MFSD6: variants seen among roughly 807,000 people sequenced by gnomAD.
MFSD6 encodes major facilitator superfamily domain-containing protein 6.
In MFSD6, 26 loss-of-function variants were observed where a neutral mutation model predicts 56.3. The observed-to-expected ratio is 0.46, with a 90% CI of 0.34 to 0.64. The LOEUF (loss-of-function observed/expected upper bound fraction) is 0.64, where lower values mean the gene tolerates loss of function less well. Among genes scored for constraint, MFSD6 ranks in the 30% least tolerant of loss-of-function variants. The probability of loss-of-function intolerance (pLI) is 0.01; values close to 1 mark genes in which losing one functional copy is unlikely to be tolerated. For missense variants in MFSD6, 750 were observed against 986.2 expected, an observed-to-expected ratio of 0.76 and a Z score of 3.21; for synonymous variants, 331 against 366.9, an observed-to-expected ratio of 0.90 and a Z score of 1.12.
intron 4 of MFSD6, chr2:190,477,530 A>G (rs186127651): frequency 1.9e-4 from 39 of 209,352 alleles, no homozygotes; most frequent in African/African-American, 8.7e-4. Flanking sequence ...TTAAAGAACA[A>G]CAGAATAATT....
Position 190,454,735 on chromosome 2 carries a change from C to T in MFSD6, c.1533-15023C>T, listed in dbSNP as rs1031894156. Among the ~76,000 whole-genome samples the T allele has an allele frequency of 1.3e-5, 2 of 151,846 alleles. No homozygotes were observed. The highest frequency in any genetic ancestry group is 6.6e-5 in the Admixed American group (1 of 15,230). On this transcript the variant is annotated intron_variant, in intron 3 of 7. Transcript: ENST00000392328. The surrounding 1 kb of genome is among the most constrained non-coding windows in gnomAD (Gnocchi z 4.6). ...TTTATGGCATATTGTCATGGCAGCC[C>T]GAGCAAATTAATAATGTGTCTAAAT... is the stretch of plus-strand genomic sequence containing the variant.
intron 3 of MFSD6, chr2:190,453,963 T>C (rs1686879947): frequency 6.6e-6 from 1 of 152,242 alleles, no homozygotes; most frequent in Admixed American, 6.5e-5. Flanking sequence ...AACTGGAATA[T>C]ATTTCACAGA....
Position 190,417,518 on chromosome 2 carries a change from C to A in MFSD6, c.-54+2105C>A, listed in dbSNP as rs924082764. Among the ~76,000 whole-genome samples the A allele has an allele frequency of 1.3e-5, 2 of 152,144 alleles. No individual in the cohort carries two copies. Among genetic ancestry groups the A allele is most frequent in the African/African-American group, 4.8e-5 (2 of 41,442 alleles). On this transcript the variant is annotated intron_variant, in intron 2 of 7. Coordinates refer to ENST00000392328, the MANE Select transcript of MFSD6 (RefSeq NM_017694.4). The surrounding 1 kb of genome is among the most constrained non-coding windows in gnomAD (Gnocchi z 5.7). ...GGACTGTGTGGCCTCCAGCATGTGTCCTACCTACTAGTGGGTGCTCGATCT... is the reference window on the plus strand; with the variant it reads ...GGACTGTGTGGCCTCCAGCATGTGTACTACCTACTAGTGGGTGCTCGATCT...
rs1477698346 is a variant in MFSD6 at position 190,434,707 on chromosome 2, C to A, written c.-53-1270C>A. On this transcript the variant is annotated intron_variant, in intron 2 of 7. Coordinates refer to ENST00000392328, the MANE Select transcript of MFSD6 (RefSeq NM_017694.4). The surrounding 1 kb of genome is among the most constrained non-coding windows in gnomAD (Gnocchi z 4.3). ...TCAGCCTCCCAAAGTGCTGGGATTA[C>A]AGGTGTGAGCCACCGCGCCCGGCCA... 3.9e-5 allele frequency among the ~76,000 whole-genome samples: 6 copies of A among 152,162 alleles called. No individual in the cohort carries two copies. The highest frequency in any genetic ancestry group is 2.6e-4 in the Admixed American group (4 of 15,280).
In MFSD6 at chr2:190,462,961, G is replaced by C. The variant is rs181237517; in HGVS notation, c.1533-6797G>C. On this transcript the variant is annotated intron_variant, in intron 3 of 7. Coordinates refer to ENST00000392328, the MANE Select transcript of MFSD6 (RefSeq NM_017694.4). This position sits in a 1 kb window ranked among gnomAD's most constrained non-coding sequence, Gnocchi z 5.7. Reference sequence around the variant, plus strand: ...ATGATGTAACTCAGGCCACCTTCTTGGGATGGGAATCCCAAGGAATGCCAG... The same window carrying C: ...ATGATGTAACTCAGGCCACCTTCTTCGGATGGGAATCCCAAGGAATGCCAG... 6.6e-6 allele frequency among the ~76,000 whole-genome samples: 1 copy of C among 152,214 alleles called. No homozygotes were observed. Among genetic ancestry groups the C allele is most frequent in the African/African-American group, 2.4e-5 (1 of 41,504 alleles).
rs182902794 is a variant in MFSD6 at position 190,415,678 on chromosome 2, A to G, written c.-54+265A>G. 2.2e-4 allele frequency among the ~76,000 whole-genome samples: 34 copies of G among 152,350 alleles called. No homozygotes were observed. Among genetic ancestry groups the G allele is most frequent in the South Asian group, 4.1e-4 (2 of 4,834 alleles). The stretch of plus-strand genomic sequence containing the variant: ...AAGTTATCAGAACCCTAACAGCAAA[A>G]TAAAACAATTTTAGATTACATATAT... On this transcript the variant is annotated intron_variant, in intron 2 of 7. Transcript: ENST00000392328. This position sits in a 1 kb window ranked among gnomAD's most constrained non-coding sequence, Gnocchi z 4.5.
In MFSD6 at chr2:190,410,369, G is replaced by A. The variant is rs1187463230; in HGVS notation, c.-176+1866G>A. 2.0e-5 allele frequency among the ~76,000 whole-genome samples: 3 copies of A among 152,122 alleles called. No individual in the cohort carries two copies. Among genetic ancestry groups the A allele is most frequent in the South Asian group, 4.1e-4 (2 of 4,830 alleles). ...GAGGTAGAGTTAAATTTGACCTCAT[G>A]TTTCTGGCTCCAAAGCCCAGGAAAT... On this transcript the variant is annotated intron_variant, in intron 1 of 7. Coordinates refer to ENST00000392328, the MANE Select transcript of MFSD6 (RefSeq NM_017694.4). The surrounding 1 kb of genome is among the most constrained non-coding windows in gnomAD (Gnocchi z 4.4).
rs1252881174 is a variant in MFSD6 at position 190,463,405 on chromosome 2, A to G, written c.1533-6353A>G. On this transcript the variant is annotated intron_variant, in intron 3 of 7. Transcript: ENST00000392328. This position sits in a 1 kb window ranked among gnomAD's most constrained non-coding sequence, Gnocchi z 4.4. ...GAGGGCACATCAAGTGCTTGTGCTGAGCACAGGAGTCTCCACTCTAATCAG... is the reference window on the plus strand; with the variant it reads ...GAGGGCACATCAAGTGCTTGTGCTGGGCACAGGAGTCTCCACTCTAATCAG... Among the ~76,000 whole-genome samples the G allele has an allele frequency of 6.6e-6, 1 of 152,210 alleles. No individual in the cohort carries two copies. Among genetic ancestry groups the G allele is most frequent in the African/African-American group, 2.4e-5 (1 of 41,456 alleles).
In MFSD6 at chr2:190,425,339, A is replaced by G. The variant is rs1003483401; in HGVS notation, c.-54+9926A>G. Among the ~76,000 whole-genome samples the G allele has an allele frequency of 2.1e-4, 32 of 152,094 alleles. No homozygotes were observed. Among genetic ancestry groups the G allele is most frequent in the African/African-American group, 5.8e-4 (24 of 41,408 alleles). On this transcript the variant is annotated intron_variant, in intron 2 of 7. Transcript: ENST00000392328. This position sits in a 1 kb window ranked among gnomAD's most constrained non-coding sequence, Gnocchi z 4.3. Reference sequence around the variant, plus strand: ...TGTCTTTTGTTTTCTTTTATTTCCTATTGCACTGGTGAGAACTTCCAGCAT... The same window carrying G: ...TGTCTTTTGTTTTCTTTTATTTCCTGTTGCACTGGTGAGAACTTCCAGCAT...
chr2:190,442,913 A>C (rs1245269166), intron 3 of MFSD6: 1 of 152,188 alleles, frequency 6.6e-6, no homozygotes, highest in Non-Finnish European at 1.5e-5. Flanking sequence ...TAAGAAGAGA[A>C]ATGGGCTGAG....
At position 190,497,830 on chromosome 2, in the gene MFSD6, G is replaced by A; in HGVS notation, c.2172+111G>A. 1 of 1,292,310 alleles carries A rather than the reference G, an allele frequency of 7.7e-7. No homozygotes were observed. 80.1% of individuals were successfully genotyped at this position (1,292,310 alleles called of 1,614,324 possible). ...CAACAAGATTTATTGAAAGTCTGGT[G>A]GGGGAAATAGACATGCAAACAATTT... is the stretch of plus-strand genomic sequence containing the variant. On this transcript the variant is annotated intron_variant, in intron 7 of 7. Transcript: ENST00000392328. This position sits in a 1 kb window ranked among gnomAD's most constrained non-coding sequence, Gnocchi z 5.2.
At chr2:190,428,647 A>ATGCT (rs776663693) in intron 2 of MFSD6, among the ~76,000 whole-genome samples, 1 of 147,728 alleles carries the variant, frequency 6.8e-6, no homozygotes, top group African/African-American at 2.5e-5. Flanking sequence ...ACATTTAGAG[A>ATGCT]TGCTTGCTTA....
intron 3 of MFSD6, among the ~76,000 whole-genome samples, chr2:190,466,307 T>C (rs1687603665): frequency 6.6e-6 from 1 of 152,248 alleles, no homozygotes; most frequent in Admixed American, 6.5e-5. Flanking sequence ...GTGCATACTA[T>C]GGCAGTTTAA....
At position 190,488,147 on chromosome 2, in the gene MFSD6, C is replaced by T. The variant is rs1202028646; in HGVS notation, c.1631-510C>T. On this transcript the variant is annotated intron_variant, in intron 4 of 7. Coordinates refer to ENST00000392328, the MANE Select transcript of MFSD6 (RefSeq NM_017694.4). The surrounding 1 kb of genome is among the most constrained non-coding windows in gnomAD (Gnocchi z 6.4). ...CAATCTCCTGACCTCGTGATCCACC[C>T]GCCTCGGCCTCCCAAAGTGCTGGGA... is the stretch of plus-strand genomic sequence containing the variant. 9.2e-5 allele frequency among the ~76,000 whole-genome samples: 14 copies of T among 152,170 alleles called. No individual in the cohort carries two copies. In the East Asian group the frequency reaches 2.1e-3, roughly 23 times the overall value.
In MFSD6 at chr2:190,471,973, C is replaced by T. The variant is rs10202274; in HGVS notation, c.1630+2118C>T. Among the ~76,000 whole-genome samples the T allele has an allele frequency of 1.4e-4, 21 of 152,246 alleles. No homozygotes were observed. The highest frequency in any genetic ancestry group is 4.8e-4 in the African/African-American group (20 of 41,540). ...GCAGCTTTCACTGCTGATACCCAGGCAAACAGGGTCTGGAGTGGACCTCCA... is the reference window on the plus strand; with the variant it reads ...GCAGCTTTCACTGCTGATACCCAGGTAAACAGGGTCTGGAGTGGACCTCCA... On this transcript the variant is annotated intron_variant, in intron 4 of 7. Coordinates refer to ENST00000392328, the MANE Select transcript of MFSD6 (RefSeq NM_017694.4). This position sits in a 1 kb window ranked among gnomAD's most constrained non-coding sequence, Gnocchi z 4.7.
intron 4 of MFSD6, among the ~76,000 whole-genome samples, chr2:190,475,906 C>T (rs1559133347): frequency 6.6e-6 from 1 of 152,000 alleles, no homozygotes; most frequent in African/African-American, 2.4e-5. Context: ...GAAATAATGC[C>T]ACATATCTAC....
rs1213802983 is a variant in MFSD6, at chr2:190,491,583, A to G, written c.1891+1717A>G. 6.6e-6 allele frequency among the ~76,000 whole-genome samples: 1 copy of G among 152,220 alleles called. No individual in the cohort carries two copies. Among genetic ancestry groups the G allele is most frequent in the African/African-American group, 2.4e-5 (1 of 41,456 alleles). ...TGACAATCACTACAGCCTGGCTGTC[A>G]GGAAGCCACATCCCTCAGAAAACAG... On this transcript the variant is annotated intron_variant, in intron 6 of 7. Coordinates refer to ENST00000392328, the MANE Select transcript of MFSD6 (RefSeq NM_017694.4). This position sits in a 1 kb window ranked among gnomAD's most constrained non-coding sequence, Gnocchi z 4.2.
At chr2:190,429,066 T>G (rs1232641841) in intron 2 of MFSD6, among the ~76,000 whole-genome samples, 1 of 152,166 alleles carries the variant, frequency 6.6e-6, no homozygotes, top group Non-Finnish European at 1.5e-5. Context: ...GTTGATCATC[T>G]TTTTACATAT....
rs879834155 is a variant in MFSD6, at chr2:190,413,930, A to G, written c.-175-1362A>G. 6.6e-6 allele frequency among the ~76,000 whole-genome samples: 1 copy of G among 152,194 alleles called. No homozygotes were observed. Among genetic ancestry groups the G allele is most frequent in the Non-Finnish European group, 1.5e-5 (1 of 68,026 alleles). ...TGGGTCCCTGTGAGTCACGCTGGGA[A>G]TTCTTAACTGTTCAGGGCACTTTTA... is the stretch of plus-strand genomic sequence containing the variant. On this transcript the variant is annotated intron_variant, in intron 1 of 7. Transcript: ENST00000392328. The surrounding 1 kb of genome is among the most constrained non-coding windows in gnomAD (Gnocchi z 4.1).
Sources: gnomAD v4.1 joint callset for allele counts (sites outside exome capture counted in the v4.1 genomes callset) on GRCh38, gnomAD v4.1.1 for gene constraint, Gnocchi (gnomAD v3.1) non-coding constraint, MANE v1.5 for transcripts, NCBI Gene and HGNC (gene_info 2026-07-23, HGNC 2026-07-21) for gene names.